The following BPI variants were observed in gnomAD, a reference collection of about 807,000 sequenced individuals.
The protein encoded by BPI is bactericidal permeability-increasing protein.
Under a neutral mutation model 57.6 loss-of-function variants are expected in BPI, and 48 were observed. That is an observed-to-expected ratio of 0.83 (90% CI 0.66 to 1.06). The LOEUF (loss-of-function observed/expected upper bound fraction) is 1.06. Among genes scored for constraint, BPI ranks in the 50% least tolerant of loss-of-function variants. The pLI, the probability that BPI is intolerant of heterozygous loss-of-function variation, is 0.00. For synonymous variants in BPI, 237 were observed against 238.2 expected, an observed-to-expected ratio of 0.99 and a Z score of 0.05; for missense variants, 651 against 609.7, an observed-to-expected ratio of 1.07 and a Z score of -0.71.
At chr20:38,318,362 C>T (rs1427483075) in intron 5 of BPI, 51 bp from the exon 6 acceptor site, 4 of 1,551,610 alleles carry the variant, frequency 2.6e-6, no homozygotes, top group African/African-American at 2.7e-5. Flanking sequence ...TGTCAAGGGA[C>T]ATTTTTCACT....
At chr20:38,304,416 T>G in intron 1 of BPI, 63 bp downstream of exon 1, 1 of 1,583,662 alleles carries the variant, frequency 6.3e-7, no homozygotes, top group Non-Finnish European at 8.6e-7. Context: ...GCATCTACTG[T>G]GTGCACCCCT....
At chr20:38,326,478 CA>C in intron 10 of BPI, 46 bp downstream of exon 10, 1 of 1,556,134 alleles carries the variant, frequency 6.4e-7, no homozygotes, top group Non-Finnish European at 8.7e-7. Flanking sequence ...CAGACAGTCC[CA>C]ACAGCACTGT....
Position 38,307,609 on chromosome 20 carries a change from G to A in BPI, c.173G>A (p.Arg58Lys), listed in dbSNP as rs1401148082. 2 of 1,611,690 alleles carry A rather than the reference G, an allele frequency of 1.2e-6. No individual in the cohort carries two copies. Among genetic ancestry groups the A allele is most frequent in the Admixed American group, 1.7e-5 (1 of 59,636 alleles). Residue 58 changes from arginine to lysine, a missense_variant, in exon 2 of 15, where the codon AGG (arginine) becomes AAG (lysine). Coordinates refer to ENST00000642449, the MANE Select transcript of BPI (RefSeq NM_001725.3). ...GTAALQKELK[R>K]IKIPDYSDSF... ...GCCGCTCTGCAGAAGGAGCTGAAGA[G>A]GATCAAGATTCCTGACTACTCAGAC...
intron 7 of BPI, among the ~76,000 whole-genome samples, chr20:38,322,396 T>C (rs1251625816): frequency 6.6e-6 from 1 of 152,232 alleles, no homozygotes; most frequent in East Asian, 1.9e-4. Flanking sequence ...AAGGTCTTGT[T>C]TATCTCCTGG....
chr20:38,334,249 G>T (rs1020086881), intron 12 of BPI, among the ~76,000 whole-genome samples, 181 bp from the exon 13 acceptor site: 1 of 152,210 alleles, frequency 6.6e-6, no homozygotes, highest in African/African-American at 2.4e-5. Flanking sequence ...CCATGACCTT[G>T]ATTGGGCTGC....
At position 38,307,664 on chromosome 20, in the gene BPI, G is replaced by T. The variant is rs747378787; in HGVS notation, c.228G>T (p.Gly76=). 3.7e-6 allele frequency: 6 copies of T among 1,610,968 alleles called. No homozygotes were observed. In the African/African-American group the frequency reaches 6.7e-5, roughly 18 times the overall value. The change falls in exon 2 of 15, where the codon GGG becomes GGT. Residue 76 remains glycine (G), a synonymous_variant. Coordinates refer to ENST00000642449, the MANE Select transcript of BPI (RefSeq NM_001725.3). The part of the protein sequence containing the change: ...DSFKIKHLGK[G]HYSFYSMDIR... ...TTAAGATCAAGCATCTTGGGAAGGGGCATTATAGCTTCTACAGGTGAGGCC... is the reference window on the plus strand; with the variant it reads ...TTAAGATCAAGCATCTTGGGAAGGGTCATTATAGCTTCTACAGGTGAGGCC...
Position 38,320,246 on chromosome 20 carries a change from C to T in BPI, c.728C>T (p.Thr243Met), listed in dbSNP as rs141359903. 30 of 1,613,946 alleles carry T rather than the reference C, an allele frequency of 1.9e-5. No homozygotes were observed. The African/African-American group carries it at 1.9e-4, about 10-fold the overall frequency. ...NYGLVAPPATTAETLDVQMKG... is the reference protein window; with the variant it reads ...NYGLVAPPATMAETLDVQMKG... ...GGTCTGGTGGCACCTCCAGCAACCA[C>T]GGCTGAGACCCTGGATGTACAGATG... Residue 243 changes from threonine to methionine, a missense_variant, in exon 7 of 15, where the codon ACG (threonine) becomes ATG (methionine). By Grantham distance (81) the Thr-to-Met change is moderately conservative (BLOSUM62 -1). Transcript: ENST00000642449.
At chr20:38,324,632 T>G in intron 8 of BPI, 142 bp from the exon 9 acceptor site, 1 of 661,448 alleles carries the variant, frequency 1.5e-6, no homozygotes, top group South Asian at 1.8e-5. Context: ...CTGCAGAATT[T>G]GTGGGTCAGT....
At position 38,323,880 on chromosome 20, in the gene BPI, A is replaced by G. The variant is rs1304292261; in HGVS notation, c.767A>G (p.Tyr256Cys). Residue 256 changes from tyrosine to cysteine, a missense_variant, in exon 8 of 15, where the codon TAC becomes TGC. Physicochemically the swap from Tyr to Cys is radical, Grantham distance 194. Coordinates refer to ENST00000642449, the MANE Select transcript of BPI (RefSeq NM_001725.3). The stretch of plus-strand genomic sequence containing the variant: ...TGCCTCTACCCCCAGGGGGAGTTTT[A>G]CAGTGAGAACCACCACAATCCACCT... ...TLDVQMKGEF[Y>C]SENHHNPPPF... is the part of the protein sequence containing the mutation. The G allele has an allele frequency of 2.5e-6, 4 of 1,613,894 alleles. No individual in the cohort carries two copies. In the East Asian group the frequency reaches 6.7e-5, roughly 27 times the overall value.
rs1186219959 is a variant in BPI at position 38,334,458 on chromosome 20, A to G, written c.1301A>G (p.Tyr434Cys). The change falls in exon 13 of 15, where the codon TAC (tyrosine) becomes TGC (cysteine). Residue 434 changes from tyrosine (Y) to cysteine (C), a missense_variant. Physicochemically the swap from Tyr to Cys is radical, Grantham distance 194. Coordinates refer to ENST00000642449, the MANE Select transcript of BPI (RefSeq NM_001725.3). ...PVELLQDIMN[Y>C]IVPILVLPRV... ...GAATTGCTGCAGGATATCATGAACT[A>G]CATTGTACCCATTCTTGTGCTGCCC... 6.2e-7 allele frequency: 1 copy of G among 1,613,998 alleles called. No individual in the cohort carries two copies. Among genetic ancestry groups the G allele is most frequent in the Non-Finnish European group, 8.5e-7 (1 of 1,179,900 alleles).
At chr20:38,318,786 C>T (rs533891813) in intron 6 of BPI, among the ~76,000 whole-genome samples, 3 of 152,272 alleles carry the variant, frequency 2.0e-5, no homozygotes, top group East Asian at 1.9e-4. Flanking sequence ...ATATTGGTCA[C>T]TTCTTTTTGG....
At position 38,310,491 on chromosome 20, in the gene BPI, A is replaced by G. The variant is rs1387577457; in HGVS notation, c.375A>G (p.Leu125=). The change falls in exon 4 of 15, where the codon TTA becomes TTG. Residue 125 remains leucine (L), a splice_region_variant and synonymous_variant. Coordinates refer to ENST00000642449, the MANE Select transcript of BPI (RefSeq NM_001725.3). ...SGKWKAQKRF[L]KMSGNFDLSI... Reference sequence around the variant, plus strand: ...CACATTCCTCTTTGTTCTTCTTCAGAAAAATGAGCGGCAATTTTGACCTGA... The same window carrying G: ...CACATTCCTCTTTGTTCTTCTTCAGGAAAATGAGCGGCAATTTTGACCTGA... The G allele has an allele frequency of 6.2e-7, 1 of 1,612,068 alleles. No individual in the cohort carries two copies. Among genetic ancestry groups the G allele is most frequent in the East Asian group, 2.2e-5 (1 of 44,818 alleles).
intron 1 of BPI, 26 bp from the exon 2 acceptor site, chr20:38,307,541 C>T (rs757298888): frequency 6.4e-7 from 1 of 1,559,860 alleles, no homozygotes; most frequent in Non-Finnish European, 8.7e-7. Flanking sequence ...GTGCCTCTCA[C>T]TGTCACCCCT....
chr20:38,314,155 G>A, intron 5 of BPI, among the ~76,000 whole-genome samples: 1 of 108,356 alleles, frequency 9.2e-6, no homozygotes, highest in East Asian at 3.2e-4. Flanking sequence ...GTGAGATTGA[G>A]GATGGTGATG....
chr20:38,326,170 T>G (rs2076711839), intron 9 of BPI, 95 bp from the exon 10 acceptor site: 1 of 1,266,688 alleles, frequency 7.9e-7, no homozygotes, highest in Admixed American at 2.4e-5. Context: ...GGGAAGACAT[T>G]GAAGGTATTT....
intron 12 of BPI, among the ~76,000 whole-genome samples, chr20:38,331,843 CAAAAAA>C (rs71644569): frequency 7.4e-5 from 6 of 80,996 alleles, no homozygotes; most frequent in Non-Finnish European, 1.3e-4. Context: ...AATCTTGTCT[CAAAAAA>C]AAAAAAAAAA....
chr20:38,320,661 TAC>T lies in BPI; in HGVS notation c.756+423_756+424del, dbSNP rs369329923. On this transcript the variant is annotated intron_variant, in intron 7 of 14. Coordinates refer to ENST00000642449, the MANE Select transcript of BPI (RefSeq NM_001725.3). ...CCCCCACATCCTGCTTTATTACCAATACACACACACACACACACACACACACA... is the reference window on the plus strand; with the variant it reads ...CCCCCACATCCTGCTTTATTACCAATACACACACACACACACACACACACA... Among the ~76,000 whole-genome samples the T allele has an allele frequency of 9.5e-3, 1,242 of 130,742 alleles. 15 individuals carry two copies. The highest frequency in any genetic ancestry group is 0.019 in the African/African-American group (626 of 33,662). The allele number at this position is 130,742 out of a possible 152,430, so 85.8% of individuals were successfully genotyped here.
chr20:38,315,186 C>G (rs1170175430), intron 5 of BPI, among the ~76,000 whole-genome samples: 1 of 152,134 alleles, frequency 6.6e-6, no homozygotes, highest in African/African-American at 2.4e-5. Context: ...GGTGAGTAAA[C>G]TGAGATACAG....
Position 38,310,629 on chromosome 20 carries a change from G to A in BPI, c.513G>A (p.Val171=). 1 of 1,613,660 alleles carries A rather than the reference G, an allele frequency of 6.2e-7. No individual in the cohort carries two copies. The highest frequency in any genetic ancestry group is 8.5e-7 in the Non-Finnish European group (1 of 1,179,690). The change falls in exon 4 of 15, where the codon GTG becomes GTA. Residue 171 remains valine, a synonymous_variant. Transcript: ENST00000642449. ...GCAGCCACATCAACAGTGTCCACGT[G>A]CACATCTCAAAGAGCAAAGTGGGGT... ...SCSSHINSVH[V]HISKSKVGWL... is the part of the protein sequence containing the mutation.
Sources: allele counts gnomAD v4.1 joint callset (sites outside exome capture counted in the v4.1 genomes callset), GRCh38; gene constraint gnomAD v4.1.1; transcripts MANE v1.5; gene names NCBI Gene and HGNC (gene_info 2026-07-23, HGNC 2026-07-21).